CAMKK2: variants seen among roughly 807,000 people sequenced by gnomAD.
The protein encoded by CAMKK2 is calcium/calmodulin dependent protein kinase kinase 2.
CAMKK2 carries 30 observed loss-of-function variants against 67.2 expected under a neutral mutation model. The observed-to-expected ratio is 0.45, with a 90% CI of 0.33 to 0.61. The LOEUF (loss-of-function observed/expected upper bound fraction) is 0.61, where lower values mean the gene tolerates loss of function less well. Among genes scored for constraint, CAMKK2 ranks in the 20% least tolerant of loss-of-function variants. The pLI is 0.02. For missense variants in CAMKK2, 643 were observed against 802.0 expected, an observed-to-expected ratio of 0.80 and a Z score of 2.39; for synonymous variants, 322 against 326.2, an observed-to-expected ratio of 0.99 and a Z score of 0.14.
chr12:121,269,566 C>T lies in CAMKK2; in HGVS notation c.535G>A (p.Val179Ile), dbSNP rs935552545. The change falls in exon 4 of 17, where the codon GTC becomes ATC. Residue 179 changes from valine to isoleucine, a missense_variant. Physicochemically the swap from Val to Ile is conservative, Grantham distance 29 (BLOSUM62 3). Transcript: ENST00000404169. ...TCATTTTCATTGTAGGCCAACTTGA[C>T]GACACCATAGGAGCCCTGGATAAAG... ...DEIGKGSYGV[V>I]KLAYNENDNT... The T allele has an allele frequency of 6.2e-7, 1 of 1,607,538 alleles. No homozygotes were observed. The highest frequency in any genetic ancestry group is 8.5e-7 in the Non-Finnish European group (1 of 1,176,346).
chr12:121,274,672 C>A, intron 1 of CAMKK2, 87 bp from the exon 2 acceptor site: 1 of 615,548 alleles, frequency 1.6e-6, no homozygotes, highest in Non-Finnish European at 2.8e-6. Flanking sequence ...AGGCTGCTGT[C>A]TAATTCCTGC....
chr12:121,271,273 C>CAAAAAAAAA (rs11332649), intron 2 of CAMKK2, among the ~76,000 whole-genome samples: 3 of 112,964 alleles, frequency 2.7e-5, no homozygotes, highest in African/African-American at 1.0e-4. Context: ...AACTGTGTCT[C>CAAAAAAAAA]AAAAAAAAAA....
chr12:121,293,746 G>A (rs554822074), intron 1 of CAMKK2, among the ~76,000 whole-genome samples: 1 of 151,752 alleles, frequency 6.6e-6, no homozygotes, highest in South Asian at 2.1e-4. Flanking sequence ...CCCATTTCTG[G>A]CCCATCCTTC....
chr12:121,248,525 G>A (rs1442130947), intron 14 of CAMKK2, 81 bp downstream of exon 14: 6 of 1,551,820 alleles, frequency 3.9e-6, no homozygotes, highest in Non-Finnish European at 5.3e-6. Flanking sequence ...CCGGGCACCC[G>A]CCTGTGTCCG....
chr12:121,260,293 G>A (rs759871878), intron 7 of CAMKK2, 26 bp downstream of exon 7: 1 of 1,595,498 alleles, frequency 6.3e-7, no homozygotes, highest in Admixed American at 1.8e-5. Flanking sequence ...CTGGGTGAGG[G>A]TGGCAGAAGA....
Position 121,296,683 on chromosome 12 carries a change from T to G in CAMKK2, c.-105A>C, listed in dbSNP as rs1901316532. On this transcript the variant is annotated 5_prime_UTR_variant, in exon 1 of 17. Transcript: ENST00000404169. The surrounding 1 kb of genome is among the most constrained non-coding windows in gnomAD (Gnocchi z 7.1). ...GCCTCCCGCGCTCTGCGCCCCCAGC[T>G]CGGCTCGGCTCGGCTCAGCTTGCTC... is the stretch of plus-strand genomic sequence containing the variant. The G allele has an allele frequency of 6.8e-6, 1 of 147,804 alleles. No homozygotes were observed. The highest frequency in any genetic ancestry group is 2.5e-5 in the African/African-American group (1 of 40,594). The allele number at this position is 147,804 out of a possible 1,614,324, so 9.2% of individuals were successfully genotyped here.
At chr12:121,295,535 CTT>C (rs1900968695) in intron 1 of CAMKK2, among the ~76,000 whole-genome samples, 1 of 152,114 alleles carries the variant, frequency 6.6e-6, no homozygotes, top group African/African-American at 2.4e-5. Flanking sequence ...AAGCCATCCT[CTT>C]CTCTCTCCTC....
intron 1 of CAMKK2, among the ~76,000 whole-genome samples, chr12:121,276,646 C>A (rs914241251): frequency 1.3e-5 from 2 of 151,980 alleles, no homozygotes; most frequent in African/African-American, 4.8e-5. Flanking sequence ...GGATGATGGC[C>A]ACTCCATGCT....
chr12:121,266,246 C>T (rs1894501830), intron 5 of CAMKK2, among the ~76,000 whole-genome samples: 1 of 152,190 alleles, frequency 6.6e-6, no homozygotes, highest in African/African-American at 2.4e-5. Flanking sequence ...AACTATGAAC[C>T]AGCCTCCAGA....
In CAMKK2 at chr12:121,253,504, G is replaced by A; in HGVS notation, c.908-32C>T. The stretch of plus-strand genomic sequence containing the variant: ...AGGCGTAGACAGCAGGTGGGAGATA[G>A]GGGCAGGAAAACCTCGTGAGCACCT... On this transcript the variant is annotated intron_variant, in intron 9 of 16. Coordinates refer to ENST00000404169, the MANE Select transcript of CAMKK2 (RefSeq NM_001270485.2). This position sits in a 1 kb window ranked among gnomAD's most constrained non-coding sequence, Gnocchi z 5.0. The A allele has an allele frequency of 6.2e-7, 1 of 1,600,518 alleles. No individual in the cohort carries two copies. The highest frequency in any genetic ancestry group is 8.6e-7 in the Non-Finnish European group (1 of 1,167,918).
intron 11 of CAMKK2, among the ~76,000 whole-genome samples, chr12:121,250,717 G>T (rs1779339575): frequency 6.6e-6 from 1 of 152,196 alleles, no homozygotes; most frequent in Admixed American, 6.5e-5. Context: ...CTCCAAGAAG[G>T]CAGGGATTTC....
Position 121,274,169 on chromosome 12 carries a change from G to A in CAMKK2, c.358C>T (p.Arg120Cys), listed in dbSNP as rs201478248. 1.0e-5 allele frequency: 16 copies of A among 1,597,204 alleles called. No homozygotes were observed. The highest frequency in any genetic ancestry group is 1.7e-4 in the Middle Eastern group (1 of 6,004). ...TAGGGCAGGGACGGGCAGATGCAGC[G>A]TCCGTTCATGTCCAGGCTGCCACCG... ...AAGGSLDMNG[R>C]CICPSLPYSP... is the part of the protein sequence containing the mutation. The change falls in exon 2 of 17, where the codon CGC becomes TGC. Residue 120 changes from arginine to cysteine, a missense_variant. This residue lies in a region of CAMKK2 where 483 missense variants were observed against 625.8 expected (regional missense o/e 0.77). Transcript: ENST00000404169.
chr12:121,263,717 C>T (rs1893935942), intron 6 of CAMKK2, 89 bp downstream of exon 6: 1 of 1,344,404 alleles, frequency 7.4e-7, no homozygotes, highest in Admixed American at 2.0e-5. Flanking sequence ...TCTGGTGTGA[C>T]CTGGCTCTCC....
intron 10 of CAMKK2, 67 bp from the exon 11 acceptor site, chr12:121,252,781 T>C: frequency 6.6e-7 from 1 of 1,519,438 alleles, no homozygotes; most frequent in Admixed American, 1.7e-5. Flanking sequence ...CCAGTTTTCC[T>C]TTGGGGAACC....
At chr12:121,273,189 C>A (rs767792212) in intron 2 of CAMKK2, among the ~76,000 whole-genome samples, 8 of 152,032 alleles carry the variant, frequency 5.3e-5, no homozygotes, top group Non-Finnish European at 8.8e-5. Flanking sequence ...GGATGGTGGC[C>A]CGGGAAGCCT....
Position 121,272,232 on chromosome 12 carries a change from T to G in CAMKK2, c.472-1287A>C, listed in dbSNP as rs559908165. On this transcript the variant is annotated intron_variant, in intron 2 of 16. Coordinates refer to ENST00000404169, the MANE Select transcript of CAMKK2 (RefSeq NM_001270485.2). The stretch of plus-strand genomic sequence containing the variant: ...TTTACAAAGACTTGCATATAAATAT[T>G]AATAACAGCTTTAGTTGTAATAATA... 2.6e-5 allele frequency among the ~76,000 whole-genome samples: 4 copies of G among 152,330 alleles called. No individual in the cohort carries two copies. The South Asian group carries it at 8.3e-4, about 32-fold the overall frequency.
At chr12:121,255,867 TC>T in intron 7 of CAMKK2, 63 bp from the exon 8 acceptor site, 1 of 1,470,230 alleles carries the variant, frequency 6.8e-7, no homozygotes. Context: ...CTCTCTGTCC[TC>T]CCCACCTCCC....
At chr12:121,252,573 ATAAG>A in intron 11 of CAMKK2, 84 bp downstream of exon 11, 2 of 1,284,918 alleles carry the variant, frequency 1.6e-6, no homozygotes, top group Non-Finnish European at 2.2e-6. Flanking sequence ...TAACTCTTAA[ATAAG>A]TAAGTACTGT....
chr12:121,292,021 A>G (rs146624352), intron 1 of CAMKK2, among the ~76,000 whole-genome samples: 3 of 151,950 alleles, frequency 2.0e-5, no homozygotes, highest in African/African-American at 2.4e-5. Context: ...ACGCCACTGC[A>G]CTCCAGCCTG....
Sources: gnomAD v4.1 joint callset for allele counts (sites outside exome capture counted in the v4.1 genomes callset) on GRCh38, gnomAD v4.1.1 for gene constraint, gnomAD v4.1.1 regional missense constraint, Gnocchi (gnomAD v3.1) non-coding constraint, MANE v1.5 for transcripts, NCBI Gene and HGNC (gene_info 2026-07-23, HGNC 2026-07-21) for gene names.